Variants in ESRRB observed in about 807,000 individuals in gnomAD.
ESRRB encodes the protein steroid hormone receptor ERR2.
A neutral mutation model predicts 46.0 loss-of-function variants in ESRRB; 16 were observed. That is an observed-to-expected ratio of 0.35 (90% CI 0.24 to 0.53). The LOEUF (loss-of-function observed/expected upper bound fraction) is 0.53, where lower values mean the gene tolerates loss of function less well. ESRRB is among the 20% of genes least tolerant of loss of function. ESRRB has a pLI of 0.93. For missense variants in ESRRB, 488 were observed against 607.4 expected (o/e 0.80, Z 2.07); for synonymous variants, 246 against 259.6 (o/e 0.95, Z 0.50).
chr14:76,389,914 T>C (rs1238694147), intron 1 of ESRRB, among the ~76,000 whole-genome samples: 1 of 152,216 alleles, frequency 6.6e-6, no homozygotes, highest in Admixed American at 6.5e-5. Context: ...GGAAAAACCA[T>C]GCGATGCTGA....
intron 6 of ESRRB, among the ~76,000 whole-genome samples, chr14:76,496,188 G>A (rs1890419091): frequency 6.6e-6 from 1 of 152,240 alleles, no homozygotes; most frequent in African/African-American, 2.4e-5. Flanking sequence ...GCTCTGTGGG[G>A]TATAGTGGGT....
At chr14:76,456,831 G>C (rs149590620) in intron 2 of ESRRB, among the ~76,000 whole-genome samples, 1,544 of 152,288 alleles carry the variant, frequency 0.01, 15 homozygotes, top group Non-Finnish European at 0.015. Flanking sequence ...GGAGGATCGG[G>C]AGAGCAGAGG....
intron 1 of ESRRB, among the ~76,000 whole-genome samples, chr14:76,312,394 G>T (rs893198923): frequency 6.6e-6 from 1 of 151,932 alleles, no homozygotes; most frequent in Admixed American, 6.6e-5. Context: ...TTTGTTTAGG[G>T]TTATTAATAT....
At chr14:76,359,805 C>T (rs1187484719) in intron 1 of ESRRB, among the ~76,000 whole-genome samples, 2 of 152,036 alleles carry the variant, frequency 1.3e-5, no homozygotes, top group Non-Finnish European at 2.9e-5. Flanking sequence ...GAAGAGGAAA[C>T]AAAGTGAAGG....
chr14:76,447,772 C>T (rs756491901), intron 2 of ESRRB, among the ~76,000 whole-genome samples: 1 of 152,130 alleles, frequency 6.6e-6, no homozygotes, highest in Non-Finnish European at 1.5e-5. Context: ...TTCATTCTCC[C>T]TCCTTCAGAT....
chr14:76,459,611 T>A (rs78917359), intron 2 of ESRRB, among the ~76,000 whole-genome samples: 8,554 of 152,208 alleles, frequency 0.056, 797 homozygotes, highest in African/African-American at 0.2. Context: ...TAAGCCAAGA[T>A]AAAAGCTTGA....
chr14:76,487,503 AC>A (rs916498296), intron 5 of ESRRB, among the ~76,000 whole-genome samples: 4 of 148,844 alleles, frequency 2.7e-5, no homozygotes, highest in African/African-American at 7.4e-5. Flanking sequence ...TACATTAGTT[AC>A]CTTTTTTTTT....
intron 1 of ESRRB, among the ~76,000 whole-genome samples, chr14:76,382,887 T>C (rs1475041578): frequency 6.6e-6 from 1 of 152,234 alleles, no homozygotes; most frequent in African/African-American, 2.4e-5. Context: ...TTTAAAATAC[T>C]CTATTCAATA....
In ESRRB at chr14:76,498,243, G is replaced by C. The variant is rs1431823543; in HGVS notation, c.1150G>C (p.Val384Leu). ...DSMYIEDLEA[V>L]QKLQDLLHEA... ...CATGTACATCGAGGATCTAGAGGCT[G>C]TCCAGAAGCTGCAGGACCTGCTGCA... The change falls in exon 7 of 7, where the codon GTC becomes CTC. Residue 384 changes from valine (V) to leucine (L), a missense_variant. By Grantham distance (32) the Val-to-Leu change is conservative (BLOSUM62 1). Transcript: ENST00000644823. 1 of 1,613,878 alleles carries C rather than the reference G, an allele frequency of 6.2e-7. No homozygotes were observed. The highest frequency in any genetic ancestry group is 2.2e-5 in the East Asian group (1 of 44,886).
intron 2 of ESRRB, 128 bp downstream of exon 2, chr14:76,439,878 T>C (rs1887846372): frequency 2.0e-6 from 2 of 1,021,726 alleles, no homozygotes; most frequent in African/African-American, 1.6e-5. Context: ...GGTACTTCTG[T>C]GGGGCGCCTT....
intron 1 of ESRRB, among the ~76,000 whole-genome samples, chr14:76,382,817 C>T (rs112709638): frequency 0.035 from 5,327 of 152,190 alleles, 129 homozygotes; most frequent in Admixed American, 0.079. Context: ...AACCTATACA[C>T]ATTTTGGTCT....
rs1890558960 is a variant in ESRRB, at chr14:76,499,117, G to A, written c.*659G>A. 3 of 330,472 alleles carry A rather than the reference G, an allele frequency of 9.1e-6. No individual in the cohort carries two copies. The highest frequency in any genetic ancestry group is 2.4e-5 in the South Asian group (1 of 41,894). 20.5% of individuals were successfully genotyped at this position (330,472 alleles called of 1,614,324 possible). ...TACCCCCCTGCCTGTCACCCACCGC[G>A]CCGGTGTCCACCTGTCCTCCTCCTC... On this transcript the variant is annotated 3_prime_UTR_variant, in exon 7 of 7. Transcript: ENST00000644823.
intron 1 of ESRRB, among the ~76,000 whole-genome samples, chr14:76,437,437 T>G (rs1887720854): frequency 6.6e-6 from 1 of 152,138 alleles, no homozygotes; most frequent in South Asian, 2.1e-4. Flanking sequence ...TATTTGGCCA[T>G]GGGTTGCAAG....
At chr14:76,424,095 C>G (rs969190112) in intron 1 of ESRRB, among the ~76,000 whole-genome samples, 4 of 152,182 alleles carry the variant, frequency 2.6e-5, no homozygotes, top group African/African-American at 9.7e-5. Flanking sequence ...GCCTCTGGGC[C>G]TCAGTTTGCT....
chr14:76,422,450 A>G (rs1339764817), intron 1 of ESRRB, among the ~76,000 whole-genome samples: 1 of 151,922 alleles, frequency 6.6e-6, no homozygotes, highest in Non-Finnish European at 1.5e-5. Flanking sequence ...TGACCTCATG[A>G]TCTGCCTGCC....
At chr14:76,382,734 G>A (rs2139803447) in intron 1 of ESRRB, among the ~76,000 whole-genome samples, 1 of 152,256 alleles carries the variant, frequency 6.6e-6, no homozygotes, top group South Asian at 2.1e-4. Context: ...AGTTAAAATT[G>A]TATAAATCTA....
chr14:76,447,072 C>A (rs775333617), intron 2 of ESRRB, among the ~76,000 whole-genome samples: 1 of 152,108 alleles, frequency 6.6e-6, no homozygotes, highest in Non-Finnish European at 1.5e-5. Flanking sequence ...CAGCTGCTTC[C>A]GTTCACTGAT....
intron 1 of ESRRB, among the ~76,000 whole-genome samples, chr14:76,321,227 T>G (rs1883863062): frequency 6.6e-6 from 1 of 152,210 alleles, no homozygotes; most frequent in South Asian, 2.1e-4. Flanking sequence ...CTTTATATAT[T>G]GAACCCTTGA....
intron 1 of ESRRB, among the ~76,000 whole-genome samples, chr14:76,332,640 TTA>T (rs1884034856): frequency 2.2e-5 from 1 of 45,704 alleles, no homozygotes; most frequent in Non-Finnish European, 3.6e-5. Context: ...TTATATATAT[TTA>T]TATATTATAT....
Sources: allele counts gnomAD v4.1 joint callset (sites outside exome capture counted in the v4.1 genomes callset), GRCh38; gene constraint gnomAD v4.1.1; transcripts MANE v1.5; gene names NCBI Gene and HGNC (gene_info 2026-07-23, HGNC 2026-07-21).